Variants in UVRAG observed in about 807,000 individuals in gnomAD.
UVRAG encodes the protein UV radiation resistance-associated gene protein.
Under a neutral mutation model 78.0 loss-of-function variants are expected in UVRAG, and 19 were observed. That is an observed-to-expected ratio of 0.24 (90% CI 0.17 to 0.36). The LOEUF (loss-of-function observed/expected upper bound fraction) is 0.36. UVRAG is among the 10% of genes least tolerant of loss of function. UVRAG has a pLI of 1.00. For missense variants in UVRAG, 740 were observed against 853.8 expected (o/e 0.87, Z 1.66); for synonymous variants, 323 against 324.6 (o/e 1.00, Z 0.05).
At chr11:76,137,425 C>G (rs1472659207) in intron 14 of UVRAG, 7 of 456,016 alleles carry the variant, frequency 1.5e-5, no homozygotes, top group Non-Finnish European at 3.1e-5. Flanking sequence ...CGAGAAAATG[C>G]CTTTTCTTGT....
chr11:75,996,445 A>G (rs1028978013), intron 8 of UVRAG, among the ~76,000 whole-genome samples: 2 of 152,218 alleles, frequency 1.3e-5, no homozygotes, highest in Admixed American at 6.5e-5. Flanking sequence ...GGTGTGATAA[A>G]TATGTAACCG....
At chr11:75,860,085 C>T (rs1258338740) in intron 2 of UVRAG, among the ~76,000 whole-genome samples, 1 of 152,252 alleles carries the variant, frequency 6.6e-6, no homozygotes, top group Non-Finnish European at 1.5e-5. Context: ...GCTGGGATTA[C>T]AGGCACCCAC....
chr11:76,095,122 A>G (rs1951765838), intron 13 of UVRAG, among the ~76,000 whole-genome samples: 2 of 152,138 alleles, frequency 1.3e-5, no homozygotes, highest in Non-Finnish European at 2.9e-5. Flanking sequence ...ATTCTAGTGT[A>G]TTTGTCAGGA....
At chr11:76,118,629 G>A (rs1459625670) in intron 14 of UVRAG, among the ~76,000 whole-genome samples, 6 of 152,060 alleles carry the variant, frequency 3.9e-5, no homozygotes, top group Non-Finnish European at 8.8e-5. Context: ...AATCTGTTGA[G>A]GTAACACTAC....
At chr11:75,981,741 T>G (rs370096511) in intron 7 of UVRAG, among the ~76,000 whole-genome samples, 3 of 152,184 alleles carry the variant, frequency 2.0e-5, no homozygotes, top group East Asian at 1.9e-4. Context: ...TCATTTTTTT[T>G]CAAGGCTATT....
chr11:76,007,629 T>A lies in UVRAG; in HGVS notation c.999+8T>A. On this transcript the variant is annotated splice_region_variant and intron_variant, in intron 10 of 14. Coordinates refer to ENST00000356136, the MANE Select transcript of UVRAG (RefSeq NM_003369.4). ...ATTTACCCTATTGATTTGGTAAGTT[T>A]CAAATTTTCTGAAAATATTTTTCGT... 6.2e-7 allele frequency: 1 copy of A among 1,605,128 alleles called. No homozygotes were observed. Among genetic ancestry groups the A allele is most frequent in the Non-Finnish European group, 8.5e-7 (1 of 1,176,138 alleles).
intron 1 of UVRAG, among the ~76,000 whole-genome samples, chr11:75,842,442 CTT>C (rs11316075): frequency 1.7e-4 from 23 of 134,210 alleles, no homozygotes; most frequent in Non-Finnish European, 2.1e-4. Flanking sequence ...CCTTTTCTTT[CTT>C]TTTTTTTTTT....
chr11:76,017,170 A>G (rs1435704665), intron 12 of UVRAG, among the ~76,000 whole-genome samples, 190 bp downstream of exon 12: 2 of 152,126 alleles, frequency 1.3e-5, no homozygotes, highest in Non-Finnish European at 2.9e-5. Flanking sequence ...TAATGACTCA[A>G]CCCCTGGGCT....
Position 75,987,441 on chromosome 11 carries a change from TTC to T in UVRAG, c.826+3930_826+3931del, listed in dbSNP as rs142875605. Among the ~76,000 whole-genome samples, 1,284 of 152,368 alleles carry T rather than the reference TTC, an allele frequency of 8.4e-3. 23 individuals carry two copies. The highest frequency in any genetic ancestry group is 0.029 in the African/African-American group (1,224 of 41,578). ...AATAATTGTTAGATTGTTTTGAATTTTCTGTTTTTACAGTCATCTCACCTGCA... is the reference window on the plus strand; with the variant it reads ...AATAATTGTTAGATTGTTTTGAATTTTGTTTTTACAGTCATCTCACCTGCA... On this transcript the variant is annotated intron_variant, in intron 8 of 14. Coordinates refer to ENST00000356136, the MANE Select transcript of UVRAG (RefSeq NM_003369.4).
At chr11:75,845,352 G>C (rs749090528) in intron 1 of UVRAG, among the ~76,000 whole-genome samples, 3 of 152,218 alleles carry the variant, frequency 2.0e-5, no homozygotes, top group Non-Finnish European at 4.4e-5. Context: ...AAAGTATAAA[G>C]TAGAGCATTT....
At chr11:76,101,803 A>C (rs1461762588) in intron 13 of UVRAG, among the ~76,000 whole-genome samples, 1 of 152,180 alleles carries the variant, frequency 6.6e-6, no homozygotes, top group African/African-American at 2.4e-5. Context: ...GCATATGGCT[A>C]GTCAGTTATC....
rs146540875 is a variant in UVRAG at position 75,998,380 on chromosome 11, TGAC to T, written c.827-5624_827-5622del. ...GACCTAGTTGAATAAACAGAATAGCTGACCCAAAATAAACAGACAATACAAAGA... is the reference window on the plus strand; with the variant it reads ...GACCTAGTTGAATAAACAGAATAGCTCCAAAATAAACAGACAATACAAAGA... On this transcript the variant is annotated intron_variant, in intron 8 of 14. Transcript: ENST00000356136. Among the ~76,000 whole-genome samples the T allele has an allele frequency of 9.3e-3, 1,421 of 152,246 alleles. 18 individuals carry two copies. The highest frequency in any genetic ancestry group is 0.033 in the African/African-American group (1,366 of 41,552).
chr11:75,861,672 T>G lies in UVRAG; in HGVS notation c.236-74T>G, dbSNP rs1590945005. The G allele has an allele frequency of 2.8e-6, 3 of 1,073,382 alleles. No homozygotes were observed. The East Asian group carries it at 7.3e-5, about 26-fold the overall frequency. The allele number at this position is 1,073,382 out of a possible 1,614,324, so 66.5% of individuals were successfully genotyped here. A position where few individuals can be genotyped will look rare whatever the true frequency, so the allele number is the denominator to read the frequency against. On this transcript the variant is annotated intron_variant, in intron 2 of 14. Coordinates refer to ENST00000356136, the MANE Select transcript of UVRAG (RefSeq NM_003369.4). Reference sequence around the variant, plus strand: ...TTTACTGCAACATATGTTAAAAAAATTAGAGGATTAACAGTTGGTTAATGG... The same window carrying G: ...TTTACTGCAACATATGTTAAAAAAAGTAGAGGATTAACAGTTGGTTAATGG...
chr11:75,983,079 CTTA>C (rs1949424923), intron 7 of UVRAG, among the ~76,000 whole-genome samples: 1 of 152,138 alleles, frequency 6.6e-6, no homozygotes, highest in South Asian at 2.1e-4. Context: ...TGAGAACTTA[CTTA>C]TTATTAAGTT....
chr11:75,877,142 T>C (rs1301292910), intron 3 of UVRAG, among the ~76,000 whole-genome samples: 1 of 151,836 alleles, frequency 6.6e-6, no homozygotes, highest in Non-Finnish European at 1.5e-5. Flanking sequence ...ACAGCACATG[T>C]TTCAGAGAGC....
At chr11:75,941,224 CTG>C (rs1482760491) in intron 6 of UVRAG, among the ~76,000 whole-genome samples, 1 of 152,148 alleles carries the variant, frequency 6.6e-6, no homozygotes, top group Non-Finnish European at 1.5e-5. Context: ...TACCCAAAGT[CTG>C]TGTAAACCCA....
At position 75,815,254 on chromosome 11, in the gene UVRAG, G is replaced by T. The variant is rs1381188363; in HGVS notation, c.-154G>T. 2 of 459,554 alleles carry T rather than the reference G, an allele frequency of 4.4e-6. No individual in the cohort carries two copies. Among genetic ancestry groups the T allele is most frequent in the Non-Finnish European group, 7.4e-6 (2 of 268,698 alleles). 28.5% of individuals were successfully genotyped at this position (459,554 alleles called of 1,614,324 possible). On this transcript the variant is annotated 5_prime_UTR_variant, in exon 1 of 15. Transcript: ENST00000356136. ...AGCCAGCGGCGGCAACGGCGGCAGC[G>T]GCGGCAGCGGCGGCGGCTACTGTCT...
intron 13 of UVRAG, among the ~76,000 whole-genome samples, chr11:76,071,031 A>G (rs984419049): frequency 5.3e-5 from 8 of 152,198 alleles, no homozygotes; most frequent in Admixed American, 5.2e-4. Flanking sequence ...TATGTGAATC[A>G]TATCTCAATA....
In UVRAG at chr11:75,828,425, A is replaced by G. The variant is rs547859185; in HGVS notation, c.117+12901A>G. Among the ~76,000 whole-genome samples the G allele has an allele frequency of 5.5e-4, 81 of 146,092 alleles. 2 individuals are homozygous for G. The South Asian group carries it at 0.017, about 31-fold the overall frequency. On this transcript the variant is annotated intron_variant, in intron 1 of 14. Coordinates refer to ENST00000356136, the MANE Select transcript of UVRAG (RefSeq NM_003369.4). ...GGAGTTTGATTCCAGCCTAGGCAAT[A>G]TAGTGAGACCCCCATCTCTAAAAAA...
Sources: allele counts gnomAD v4.1 joint callset (sites outside exome capture counted in the v4.1 genomes callset), GRCh38; gene constraint gnomAD v4.1.1; transcripts MANE v1.5; gene names NCBI Gene and HGNC (gene_info 2026-07-23, HGNC 2026-07-21).